The following SGIP1 variants were observed in gnomAD, a reference collection of about 807,000 sequenced individuals.
SGIP1 encodes the protein SH3-containing GRB2-like protein 3-interacting protein 1.
SGIP1 carries 38 observed loss-of-function variants against 107.5 expected under a neutral mutation model. The ratio of observed to expected loss-of-function variants is 0.35; its 90% CI spans 0.27 to 0.46. The LOEUF is 0.46. Among genes scored for constraint, SGIP1 ranks in the 20% least tolerant of loss-of-function variants. SGIP1 has a pLI of 1.00. For synonymous variants in SGIP1, 365 were observed against 366.1 expected (o/e 1.00, Z 0.03); for missense variants, 929 against 1,019.5 (o/e 0.91, Z 1.21).
At chr1:66,603,563 A>G (rs1016205717) in intron 1 of SGIP1, among the ~76,000 whole-genome samples, 29 of 152,308 alleles carry the variant, frequency 1.9e-4, no homozygotes, top group African/African-American at 7.0e-4. Flanking sequence ...AGAACCGATC[A>G]CACAGACCAC....
At chr1:66,694,632 C>A in intron 17 of SGIP1, 1 of 617,848 alleles carries the variant, frequency 1.6e-6, no homozygotes. Flanking sequence ...TCAGATGCAC[C>A]CTGTATATTT....
chr1:66,599,534 A>G (rs1025328969), intron 1 of SGIP1, among the ~76,000 whole-genome samples: 2 of 152,004 alleles, frequency 1.3e-5, no homozygotes, highest in African/African-American at 4.8e-5. Flanking sequence ...ACAAAGCTGT[A>G]CTCTCTCTCC....
intron 6 of SGIP1, among the ~76,000 whole-genome samples, chr1:66,643,090 T>TA (rs931977415): frequency 3.4e-4 from 7 of 20,618 alleles, no homozygotes; most frequent in African/African-American, 1.6e-3. Flanking sequence ...AAAAACGTGC[T>TA]AAAAAAACGC....
chr1:66,736,091 A>T (rs1572418025), intron 21 of SGIP1, among the ~76,000 whole-genome samples: 1 of 148,268 alleles, frequency 6.7e-6, no homozygotes, highest in Non-Finnish European at 1.5e-5. Flanking sequence ...TAATATAAAT[A>T]TTTATTTATA....
At chr1:66,696,210 T>C (rs982178217) in intron 18 of SGIP1, among the ~76,000 whole-genome samples, 3 of 152,204 alleles carry the variant, frequency 2.0e-5, no homozygotes, top group South Asian at 2.1e-4. Context: ...TGTTTTATAT[T>C]TAAGTTTTAA....
intron 7 of SGIP1, among the ~76,000 whole-genome samples, chr1:66,644,721 A>C (rs2077373339): frequency 6.6e-6 from 1 of 152,212 alleles, no homozygotes; most frequent in African/African-American, 2.4e-5. Context: ...AAAAGTGTCT[A>C]TAATGACGCT....
chr1:66,726,517 T>C (rs991001212), intron 19 of SGIP1, among the ~76,000 whole-genome samples: 1 of 152,178 alleles, frequency 6.6e-6, no homozygotes. Flanking sequence ...AGTGCAATAC[T>C]GGCTTAAAAA....
Position 66,651,265 on chromosome 1 carries a change from T to C in SGIP1, c.459+7546T>C, listed in dbSNP as rs547934840. ...GTGAACACGAGTGCTGTGTGTCACA[T>C]ACATTAATTCATTCATGCTCCCAAC... On this transcript the variant is annotated intron_variant, in intron 7 of 24. Transcript: ENST00000371037. 5.3e-5 allele frequency among the ~76,000 whole-genome samples: 8 copies of C among 152,294 alleles called. No individual in the cohort carries two copies. The East Asian group carries it at 1.5e-3, about 29-fold the overall frequency.
intron 7 of SGIP1, among the ~76,000 whole-genome samples, chr1:66,653,777 C>A (rs955073345): frequency 3.3e-5 from 5 of 152,210 alleles, no homozygotes; most frequent in Admixed American, 1.3e-4. Flanking sequence ...TAATTGCAAT[C>A]AAAAAACGCT....
intron 19 of SGIP1, among the ~76,000 whole-genome samples, chr1:66,726,677 A>C (rs927512823): frequency 6.6e-6 from 1 of 152,234 alleles, no homozygotes; most frequent in African/African-American, 2.4e-5. Flanking sequence ...AAACAACTGG[A>C]TATTCATATC....
intron 4 of SGIP1, among the ~76,000 whole-genome samples, chr1:66,639,517 T>C (rs2149461853): frequency 6.6e-6 from 1 of 152,334 alleles, no homozygotes; most frequent in South Asian, 2.1e-4. Context: ...ATTTGAACAG[T>C]TCATCGTTAA....
intron 18 of SGIP1, 132 bp from the exon 19 acceptor site, chr1:66,719,162 C>G: frequency 1.8e-6 from 1 of 561,794 alleles, no homozygotes; most frequent in South Asian, 2.9e-5. Flanking sequence ...TACAGAGTTA[C>G]GGTTCTTAGC....
At chr1:66,705,920 T>C (rs2092461181) in intron 18 of SGIP1, among the ~76,000 whole-genome samples, 1 of 152,022 alleles carries the variant, frequency 6.6e-6, no homozygotes, top group Non-Finnish European at 1.5e-5. Context: ...ACCTAATGCA[T>C]GTGGGGCTTA....
intron 1 of SGIP1, among the ~76,000 whole-genome samples, chr1:66,582,057 T>C (rs1250648517): frequency 6.6e-6 from 1 of 152,094 alleles, no homozygotes; most frequent in Admixed American, 6.6e-5. Context: ...TAGTTAGTGG[T>C]GATAACAGGA....
intron 18 of SGIP1, among the ~76,000 whole-genome samples, chr1:66,705,070 C>A (rs2092367190): frequency 6.6e-6 from 1 of 152,204 alleles, no homozygotes; most frequent in Non-Finnish European, 1.5e-5. Flanking sequence ...ACATAAGTCA[C>A]TGTCCTTAAG....
chr1:66,549,841 C>T (rs2057121901), intron 1 of SGIP1, among the ~76,000 whole-genome samples: 2 of 152,088 alleles, frequency 1.3e-5, no homozygotes, highest in Admixed American at 6.6e-5. Context: ...TTTTGGTTTC[C>T]ATCTATACAC....
intron 9 of SGIP1, among the ~76,000 whole-genome samples, chr1:66,670,686 A>C (rs1333898909): frequency 6.6e-6 from 1 of 152,168 alleles, no homozygotes; most frequent in Non-Finnish European, 1.5e-5. Context: ...ACTAGACTTC[A>C]AGAGGTTTTT....
chr1:66,625,895 A>G lies in SGIP1; in HGVS notation c.59A>G (p.Lys20Arg). The G allele has an allele frequency of 6.2e-7, 1 of 1,612,574 alleles. No homozygotes were observed. Among genetic ancestry groups the G allele is most frequent in the Non-Finnish European group, 8.5e-7 (1 of 1,179,074 alleles). The part of the protein sequence containing the change: ...RKAFGIRKKE[K>R]DTDSTGSPDR... ...GCCTTTGGAATACGGAAGAAAGAAA[A>G]GGACACTGATTCTACGTATGTACTT... Residue 20 changes from lysine (K) to arginine (R), a missense_variant, in exon 2 of 25, where the codon AAG becomes AGG. Physicochemically the swap from Lys to Arg is conservative, Grantham distance 26. This residue lies in a region of SGIP1 where 588 missense variants were observed against 588.6 expected (regional missense o/e 1.00). Coordinates refer to ENST00000371037, the MANE Select transcript of SGIP1 (RefSeq NM_032291.4).
In SGIP1 at chr1:66,569,285, C is replaced by T. The variant is rs186642532; in HGVS notation, c.10+34917C>T. Among the ~76,000 whole-genome samples the T allele has an allele frequency of 3.8e-3, 576 of 152,030 alleles. 3 individuals are homozygous for T. The highest frequency in any genetic ancestry group is 6.5e-3 in the Non-Finnish European group (441 of 67,894). Reference sequence around the variant, plus strand: ...GTTGAAAGGGAGTAGTGAGAGAGAACATCCTTGCTTTCTTTCTGATCCTGG... The same window carrying T: ...GTTGAAAGGGAGTAGTGAGAGAGAATATCCTTGCTTTCTTTCTGATCCTGG... On this transcript the variant is annotated intron_variant, in intron 1 of 24. Transcript: ENST00000371037.
Sources: gnomAD v4.1 joint callset for allele counts (sites outside exome capture counted in the v4.1 genomes callset) on GRCh38, gnomAD v4.1.1 for gene constraint, gnomAD v4.1.1 regional missense constraint, MANE v1.5 for transcripts, NCBI Gene and HGNC (gene_info 2026-07-23, HGNC 2026-07-21) for gene names.